CACNA1H: variants seen among roughly 807,000 people sequenced by gnomAD.
CACNA1H encodes the protein voltage-dependent T-type calcium channel subunit alpha-1H.
A neutral mutation model predicts 192.5 loss-of-function variants in CACNA1H; 149 were observed. That is an observed-to-expected ratio of 0.77 (90% confidence interval 0.68 to 0.89). CACNA1H has a LOEUF of 0.89. CACNA1H is among the 40% of genes least tolerant of loss of function. The probability of loss-of-function intolerance (pLI) is 0.00; values close to 1 mark genes in which losing one functional copy is unlikely to be tolerated. For missense variants in CACNA1H, 4,257 were observed against 3,423.5 expected (o/e 1.24, Z -6.08); for synonymous variants, 2,202 against 1,475.2 (o/e 1.49, Z -11.29).
chr16:1,210,301 C>G, intron 18 of CACNA1H, 69 bp from the exon 19 acceptor site: 1 of 1,396,450 alleles, frequency 7.2e-7, no homozygotes, highest in Admixed American at 2.0e-5. Context: ...CAGGGCTGTC[C>G]TGCAACCCCC....
intron 2 of CACNA1H, among the ~76,000 whole-genome samples, chr16:1,156,240 G>A (rs1962367833): frequency 1.3e-5 from 2 of 152,220 alleles, no homozygotes; most frequent in African/African-American, 4.8e-5. Context: ...GGAGACATGG[G>A]AAGCAGAGCT....
Position 1,153,570 on chromosome 16 carries a change from A to C in CACNA1H, c.-19+100A>C, listed in dbSNP as rs527755763. On this transcript the variant is annotated intron_variant, in intron 1 of 34. Transcript: ENST00000348261. ...GGGGGTGGGGCCGCTGGAGGGAGGG[A>C]GGGGGCGGGCGGGGGCGGGGGGCGC... 4.1e-5 allele frequency: 9 copies of C among 221,710 alleles called. No individual in the cohort carries two copies. In the African/African-American group the frequency reaches 4.9e-4, roughly 12 times the overall value. 13.7% of individuals were successfully genotyped at this position (221,710 alleles called of 1,614,324 possible). A position where few individuals can be genotyped will look rare whatever the true frequency, so the allele number is the denominator to read the frequency against.
In CACNA1H at chr16:1,209,037, C is replaced by T. The variant is rs1196620501; in HGVS notation, c.3369C>T (p.Ser1123=). 1 of 1,511,404 alleles carries T rather than the reference C, an allele frequency of 6.6e-7. No homozygotes were observed. The highest frequency in any genetic ancestry group is 2.4e-5 in the East Asian group (1 of 41,132). The allele number at this position is 1,511,404 out of a possible 1,614,324, so 93.6% of individuals were successfully genotyped here. Residue 1123 remains serine, a synonymous_variant, in exon 17 of 35, where the codon AGC becomes AGT. Transcript: ENST00000348261. ...PPLGDQKPPA[S]LRSSPCAPWG... is the part of the protein sequence containing the mutation. ...TGACTCCCGCCACCCCCCAGGCCAG[C>T]CTCCGAAGTTCTCCCTGTGCCCCCT... is the stretch of plus-strand genomic sequence containing the variant.
At chr16:1,215,943 C>T (rs1027220170) in intron 30 of CACNA1H, among the ~76,000 whole-genome samples, 6 of 152,084 alleles carry the variant, frequency 3.9e-5, no homozygotes, top group Non-Finnish European at 4.4e-5. Context: ...ATGCAGGCGT[C>T]GGCTGCGGGC....
chr16:1,196,660 A>T (rs1312762887), intron 5 of CACNA1H, among the ~76,000 whole-genome samples: 1 of 152,192 alleles, frequency 6.6e-6, no homozygotes, highest in Non-Finnish European at 1.5e-5. Context: ...GGATTTGGCC[A>T]GCAGGTGTGA....
At chr16:1,195,155 G>A in intron 3 of CACNA1H, 72 bp downstream of exon 3, 1 of 1,070,042 alleles carries the variant, frequency 9.3e-7, no homozygotes, top group Non-Finnish European at 1.4e-6. Context: ...GCGGAGTGGG[G>A]CGGGGGCGGG....
chr16:1,200,435 A>C lies in CACNA1H; in HGVS notation c.983A>C (p.Glu328Ala). 6.2e-7 allele frequency: 1 copy of C among 1,610,756 alleles called. No individual in the cohort carries two copies. Among genetic ancestry groups the C allele is most frequent in the African/African-American group, 1.3e-5 (1 of 74,966 alleles). Residue 328 changes from glutamate (E) to alanine (A), a missense_variant, in exon 7 of 35, where the codon GAG (glutamate) becomes GCG (alanine). Transcript: ENST00000348261. ...GWEAYTQPQA[E>A]GVGAARNACI... is the part of the protein sequence containing the mutation. ...GAGGCCTACACGCAGCCGCAGGCCG[A>C]GGGGGTGGGCGCTGCACGCAACGCC...
chr16:1,194,609 G>A (rs1966845137), intron 2 of CACNA1H, among the ~76,000 whole-genome samples: 1 of 152,212 alleles, frequency 6.6e-6, no homozygotes, highest in Non-Finnish European at 1.5e-5. Flanking sequence ...TATGCAACCT[G>A]GGCCCCATGT....
chr16:1,178,879 A>G lies in CACNA1H; in HGVS notation c.300-16093A>G, dbSNP rs921969954. On this transcript the variant is annotated intron_variant, in intron 2 of 34. Transcript: ENST00000348261. The stretch of plus-strand genomic sequence containing the variant: ...GGCAGAGGAAGGACCGAACGGTGGC[A>G]TCTCCCCAGCAGGGTGGCCCCGCGC... 2.0e-5 allele frequency among the ~76,000 whole-genome samples: 3 copies of G among 152,176 alleles called. 1 individual carries two copies. Among genetic ancestry groups the G allele is most frequent in the Non-Finnish European group, 4.4e-5 (3 of 68,034 alleles).
At position 1,197,775 on chromosome 16, in the gene CACNA1H, A is replaced by G. The variant is rs143666535; in HGVS notation, c.644-840A>G. On this transcript the variant is annotated intron_variant, in intron 5 of 34. Transcript: ENST00000348261. ...ACCCCTGGGTGCTGGGTGAGAACTC[A>G]GCGTCCCCAGGTTCCTGGCCCAGGG... Among the ~76,000 whole-genome samples the G allele has an allele frequency of 4.6e-3, 700 of 152,272 alleles. 2 individuals carry two copies. The highest frequency in any genetic ancestry group is 0.027 in the Middle Eastern group (8 of 294).
At position 1,206,822 on chromosome 16, in the gene CACNA1H, G is replaced by A. The variant is rs1968774921; in HGVS notation, c.2790-179G>A. ...ATGGACACTACTGAGTTGTAGGGCA[G>A]GAAGTCCCTTTTAAGCTAGAGAGCT... On this transcript the variant is annotated intron_variant, in intron 12 of 34. Coordinates refer to ENST00000348261, the MANE Select transcript of CACNA1H (RefSeq NM_021098.3). 1.0e-5 allele frequency: 6 copies of A among 593,700 alleles called. No homozygotes were observed. The South Asian group carries it at 1.2e-4, about 12-fold the overall frequency. The allele number at this position is 593,700 out of a possible 1,614,324, so 36.8% of individuals were successfully genotyped here. A position where few individuals can be genotyped will look rare whatever the true frequency, so the allele number is the denominator to read the frequency against.
chr16:1,171,511 C>T (rs191088562), intron 2 of CACNA1H, among the ~76,000 whole-genome samples: 4 of 152,304 alleles, frequency 2.6e-5, no homozygotes, highest in Admixed American at 6.5e-5. Flanking sequence ...AAACAAAGGT[C>T]GAATGGAGAT....
intron 30 of CACNA1H, among the ~76,000 whole-genome samples, chr16:1,216,311 G>A (rs966239621): frequency 1.3e-5 from 2 of 152,222 alleles, no homozygotes; most frequent in African/African-American, 4.8e-5. Flanking sequence ...TAACACTCCC[G>A]AGGGCCAGGT....
intron 2 of CACNA1H, among the ~76,000 whole-genome samples, chr16:1,163,649 T>C (rs1157014076): frequency 1.3e-5 from 2 of 152,166 alleles, no homozygotes; most frequent in Non-Finnish European, 2.9e-5. Flanking sequence ...TAGCGCCTCA[T>C]TGAAATGGAT....
chr16:1,157,168 A>G (rs1962534029), intron 2 of CACNA1H: 1 of 151,988 alleles, frequency 6.6e-6, no homozygotes, highest in African/African-American at 2.4e-5. Context: ...GGAGGCCAGG[A>G]AGGGGGACCC....
At position 1,202,393 on chromosome 16, in the gene CACNA1H, C is replaced by T. The variant is rs1288484976; in HGVS notation, c.1943C>T (p.Pro648Leu). 19 of 1,545,378 alleles carry T rather than the reference C, an allele frequency of 1.2e-5. No individual in the cohort carries two copies. Among genetic ancestry groups the T allele is most frequent in the African/African-American group, 1.4e-5 (1 of 73,114 alleles). The change falls in exon 9 of 35, where the codon CCG becomes CTG. Residue 648 changes from proline to leucine, a missense_variant. By Grantham distance (98) the Pro-to-Leu change is moderately conservative (BLOSUM62 -3). Coordinates refer to ENST00000348261, the MANE Select transcript of CACNA1H (RefSeq NM_021098.3). ...GGPPGTGGHG[P>L]LSLNSPDPYE... is the part of the protein sequence containing the mutation. Reference sequence around the variant, plus strand: ...CCGCCAGGCACCGGGGGGCACGGCCCGTTGAGCTTGAACAGCCCTGATCCC... The same window carrying T: ...CCGCCAGGCACCGGGGGGCACGGCCTGTTGAGCTTGAACAGCCCTGATCCC...
In CACNA1H at chr16:1,202,278, A is replaced by G. The variant is rs201449513; in HGVS notation, c.1828A>G (p.Thr610Ala). Reference protein sequence around the residue: ...ASLRLATGLGTMNYPTILPSG... With the variant: ...ASLRLATGLGAMNYPTILPSG... ...CCTCAGACTGGCCACAGGGCTGGGCACCATGAACTACCCCACGATCCTGCC... is the reference window on the plus strand; with the variant it reads ...CCTCAGACTGGCCACAGGGCTGGGCGCCATGAACTACCCCACGATCCTGCC... Residue 610 changes from threonine (T) to alanine (A), a missense_variant, in exon 9 of 35, where the codon ACC becomes GCC. By Grantham distance (58) the Thr-to-Ala change is moderately conservative. Coordinates refer to ENST00000348261, the MANE Select transcript of CACNA1H (RefSeq NM_021098.3). 120 of 1,581,092 alleles carry G rather than the reference A, an allele frequency of 7.6e-5. 1 individual carries two copies. In the East Asian group the frequency reaches 2.2e-3, roughly 29 times the overall value.
Position 1,204,182 on chromosome 16 carries a change from T to G in CACNA1H, c.2175T>G (p.Arg725=), listed in dbSNP as rs1427937474. 3.7e-6 allele frequency: 6 copies of G among 1,612,190 alleles called. No individual in the cohort carries two copies. The highest frequency in any genetic ancestry group is 4.2e-6 in the Non-Finnish European group (5 of 1,179,710). The change falls in exon 10 of 35, where the codon CGT becomes CGG. Residue 725 remains arginine, a synonymous_variant. Coordinates refer to ENST00000348261, the MANE Select transcript of CACNA1H (RefSeq NM_021098.3). ...SGSESGDSDG[R]GVYEFTQDVR... ...CGGAAAGTGGAGACTCAGATGGCCGTGGCGTCTATGAATTCACGCAGGACG... is the reference window on the plus strand; with the variant it reads ...CGGAAAGTGGAGACTCAGATGGCCGGGGCGTCTATGAATTCACGCAGGACG...
At chr16:1,154,780 G>A (rs1290282403) in intron 2 of CACNA1H, among the ~76,000 whole-genome samples, 1 of 152,232 alleles carries the variant, frequency 6.6e-6, no homozygotes, top group Non-Finnish European at 1.5e-5. Context: ...TGCAGAGAAG[G>A]TTCCAGAACA....
Sources: allele counts gnomAD v4.1 joint callset (sites outside exome capture counted in the v4.1 genomes callset), GRCh38; gene constraint gnomAD v4.1.1; transcripts MANE v1.5; gene names NCBI Gene and HGNC (gene_info 2026-07-23, HGNC 2026-07-21).